Variants in NBEA observed in about 807,000 individuals in gnomAD.
The protein encoded by NBEA is lysosomal-trafficking regulator 2.
A neutral mutation model predicts 343.4 loss-of-function variants in NBEA; 44 were observed. The observed-to-expected ratio is 0.13, with a 90% CI of 0.10 to 0.16. The LOEUF (loss-of-function observed/expected upper bound fraction) is 0.16. Among genes scored for constraint, NBEA ranks in the 10% least tolerant of loss-of-function variants. The probability of loss-of-function intolerance (pLI) is 1.00; values close to 1 mark genes in which losing one functional copy is unlikely to be tolerated. For synonymous variants in NBEA, 1,175 were observed against 1,238.7 expected (o/e 0.95, Z 1.08); for missense variants, 2,555 against 3,631.3 (o/e 0.70, Z 7.62).
intron 41 of NBEA, among the ~76,000 whole-genome samples, chr13:35,528,530 G>A (rs541520456): frequency 7.2e-5 from 11 of 152,286 alleles, no homozygotes; most frequent in African/African-American, 2.6e-4. Flanking sequence ...AAACAAGGTT[G>A]ACAGGAGAAA....
chr13:35,299,597 A>T (rs191862838), intron 35 of NBEA, among the ~76,000 whole-genome samples: 107 of 152,322 alleles, frequency 7.0e-4, no homozygotes, highest in African/African-American at 2.5e-3. Context: ...GAGTTAAAAA[A>T]TTGTGACAAA....
intron 36 of NBEA, among the ~76,000 whole-genome samples, chr13:35,348,667 G>A (rs188536016): frequency 6.6e-6 from 1 of 151,702 alleles, no homozygotes; most frequent in Non-Finnish European, 1.5e-5. Flanking sequence ...ATTTAACTGG[G>A]CATCCTATAT....
intron 1 of NBEA, among the ~76,000 whole-genome samples, chr13:34,996,083 A>C (rs1006892666): frequency 3.9e-5 from 6 of 152,188 alleles, no homozygotes; most frequent in African/African-American, 1.4e-4. Context: ...AAATTGTGTC[A>C]GAATTGGGAT....
intron 48 of NBEA, among the ~76,000 whole-genome samples, chr13:35,624,261 A>G (rs1039244223): frequency 6.6e-6 from 1 of 152,190 alleles, no homozygotes; most frequent in Non-Finnish European, 1.5e-5. Context: ...TCTAGAAATC[A>G]GTATCATTGT....
At chr13:35,590,143 C>G (rs889575675) in intron 46 of NBEA, among the ~76,000 whole-genome samples, 1 of 152,042 alleles carries the variant, frequency 6.6e-6, no homozygotes, top group East Asian at 1.9e-4. Flanking sequence ...ACCTAATCCT[C>G]TATGTTAGTC....
At chr13:35,331,325 TG>T (rs1371969188) in intron 36 of NBEA, among the ~76,000 whole-genome samples, 1 of 151,814 alleles carries the variant, frequency 6.6e-6, no homozygotes, top group African/African-American at 2.4e-5. Flanking sequence ...TCTTACAGTT[TG>T]GGCATGCACT....
intron 1 of NBEA, among the ~76,000 whole-genome samples, chr13:34,976,688 A>G (rs2060189000): frequency 6.7e-6 from 1 of 149,108 alleles, no homozygotes; most frequent in Admixed American, 6.7e-5. Context: ...AGAGACTCAG[A>G]CAAAACTTCA....
intron 36 of NBEA, among the ~76,000 whole-genome samples, chr13:35,317,987 A>T (rs1379527057): frequency 1.3e-5 from 2 of 152,210 alleles, no homozygotes; most frequent in African/African-American, 4.8e-5. Context: ...TTATCAGCTT[A>T]AGGAGATTTG....
intron 39 of NBEA, among the ~76,000 whole-genome samples, chr13:35,436,002 C>T (rs181672305): frequency 4.0e-5 from 6 of 151,570 alleles, no homozygotes; most frequent in African/African-American, 9.7e-5. Context: ...TCAAATTATT[C>T]GCCACAGTTT....
intron 49 of NBEA, among the ~76,000 whole-genome samples, chr13:35,641,666 T>C (rs1181581104): frequency 6.6e-6 from 1 of 152,020 alleles, no homozygotes; most frequent in African/African-American, 2.4e-5. Context: ...GACAGGGTGA[T>C]GGGGCTAGAT....
At chr13:35,235,930 T>C (rs989968425) in intron 34 of NBEA, among the ~76,000 whole-genome samples, 20 of 152,324 alleles carry the variant, frequency 1.3e-4, no homozygotes, top group African/African-American at 4.6e-4. Context: ...ACGGGTTAGA[T>C]ATTAAAAAGT....
intron 1 of NBEA, among the ~76,000 whole-genome samples, chr13:35,030,073 A>T (rs1399129023): frequency 1.3e-5 from 2 of 151,648 alleles, no homozygotes; most frequent in Non-Finnish European, 3.0e-5. Context: ...TCTCTTTTAT[A>T]TATGGTCACA....
rs563492336 is a variant in NBEA at position 35,614,587 on chromosome 13, AG to A, written c.7449+8012del. On this transcript the variant is annotated intron_variant, in intron 48 of 58. Transcript: ENST00000379939. Reference sequence around the variant, plus strand: ...GAAATGTGAATTTTGTAGCTCTGATAGGGAGTGACTTTAGCCTCTACCTCAA... The same window carrying A: ...GAAATGTGAATTTTGTAGCTCTGATAGGAGTGACTTTAGCCTCTACCTCAA... 1.7e-3 allele frequency among the ~76,000 whole-genome samples: 258 copies of A among 152,332 alleles called. 1 individual carries two copies. The highest frequency in any genetic ancestry group is 5.2e-3 in the African/African-American group (215 of 41,568).
intron 10 of NBEA, among the ~76,000 whole-genome samples, chr13:35,091,319 A>C (rs893078629): frequency 2.6e-5 from 4 of 152,002 alleles, no homozygotes; most frequent in African/African-American, 9.7e-5. Context: ...AGAGCCTCAG[A>C]ACTGAAAATA....
At chr13:35,097,849 G>A (rs1165653454) in intron 10 of NBEA, among the ~76,000 whole-genome samples, 1 of 151,712 alleles carries the variant, frequency 6.6e-6, no homozygotes, top group Non-Finnish European at 1.5e-5. Flanking sequence ...TAAATGAAAA[G>A]TTTATTTAAA....
chr13:35,461,081 A>C (rs2046877921), intron 40 of NBEA, among the ~76,000 whole-genome samples: 1 of 152,176 alleles, frequency 6.6e-6, no homozygotes, highest in Non-Finnish European at 1.5e-5. Context: ...TCACAAGGAC[A>C]GGGCCCTAAT....
intron 48 of NBEA, among the ~76,000 whole-genome samples, chr13:35,608,238 A>G (rs1032731119): frequency 8.6e-5 from 13 of 151,992 alleles, no homozygotes; most frequent in African/African-American, 2.7e-4. Context: ...CTTATTGCCA[A>G]TCTCTCTCAC....
chr13:35,428,727 T>C (rs117944355), intron 38 of NBEA, among the ~76,000 whole-genome samples: 4,517 of 152,322 alleles, frequency 0.03, 104 homozygotes, highest in Non-Finnish European at 0.045. Context: ...TTTAGGGTGA[T>C]CTTTTTACAT....
intron 18 of NBEA, among the ~76,000 whole-genome samples, chr13:35,153,127 A>G (rs1593528165): frequency 6.7e-6 from 1 of 148,768 alleles, no homozygotes; most frequent in South Asian, 2.1e-4. Flanking sequence ...CCACCTCCCA[A>G]GTTCACGCCA....
Sources: allele counts gnomAD v4.1 joint callset (sites outside exome capture counted in the v4.1 genomes callset), GRCh38; gene constraint gnomAD v4.1.1; transcripts MANE v1.5; gene names NCBI Gene and HGNC (gene_info 2026-07-23, HGNC 2026-07-21).